The following DLGAP4 variants were observed in gnomAD, a reference collection of about 807,000 sequenced individuals.
DLGAP4 encodes the protein disks large-associated protein 4.
A neutral mutation model predicts 86.9 loss-of-function variants in DLGAP4; 18 were observed. That is an observed-to-expected ratio of 0.21 (90% confidence interval 0.14 to 0.31). DLGAP4 has a LOEUF of 0.31. DLGAP4 is among the 10% of genes least tolerant of loss of function. DLGAP4 has a pLI of 1.00. For missense variants in DLGAP4, 1,085 were observed against 1,362.6 expected (o/e 0.80, Z 3.21); for synonymous variants, 548 against 574.3 (o/e 0.95, Z 0.65).
chr20:36,334,297 G>A (rs1192375362), intron 1 of DLGAP4, among the ~76,000 whole-genome samples: 2 of 152,160 alleles, frequency 1.3e-5, no homozygotes, highest in Non-Finnish European at 2.9e-5. Context: ...CTGAGGCTGA[G>A]CTCTGCTGGC....
intron 7 of DLGAP4, among the ~76,000 whole-genome samples, chr20:36,457,385 AT>A (rs869167974): frequency 0.025 from 3,163 of 126,334 alleles, 99 homozygotes; most frequent in African/African-American, 0.08. Flanking sequence ...CGCCCGGCTA[AT>A]TTTTTTTTTT....
intron 1 of DLGAP4, among the ~76,000 whole-genome samples, chr20:36,340,016 T>G (rs1261735520): frequency 6.6e-6 from 1 of 151,810 alleles, no homozygotes; most frequent in Admixed American, 6.6e-5. Context: ...GAGCCTGGAG[T>G]AGCCAGGGGT....
At chr20:36,525,373 G>C (rs2037684396) in intron 11 of DLGAP4, 1 of 192,370 alleles carries the variant, frequency 5.2e-6, no homozygotes, top group Non-Finnish European at 1.1e-5. Context: ...CTGTGGGAAT[G>C]TGTGTACTCC....
At chr20:36,508,981 G>A (rs2036540611) in intron 10 of DLGAP4, among the ~76,000 whole-genome samples, 1 of 152,152 alleles carries the variant, frequency 6.6e-6, no homozygotes, top group Non-Finnish European at 1.5e-5. Flanking sequence ...CACTTACTTG[G>A]TAAGTGAAAA....
chr20:36,472,695 A>C (rs1045305554), intron 7 of DLGAP4, among the ~76,000 whole-genome samples: 3 of 152,120 alleles, frequency 2.0e-5, no homozygotes, highest in Middle Eastern at 3.4e-3. Flanking sequence ...CATCTTTCCC[A>C]AATTGTTCTA....
intron 2 of DLGAP4, among the ~76,000 whole-genome samples, chr20:36,412,068 C>T (rs2147503366): frequency 6.6e-6 from 1 of 152,324 alleles, no homozygotes; most frequent in Non-Finnish European, 1.5e-5. Flanking sequence ...CTCCACTTGT[C>T]CACAAGCTCT....
chr20:36,400,992 C>T (rs978288960), intron 2 of DLGAP4, among the ~76,000 whole-genome samples: 3 of 152,108 alleles, frequency 2.0e-5, no homozygotes, highest in Admixed American at 6.6e-5. Context: ...CTTTCTGTGG[C>T]TGGGAACCTC....
intron 2 of DLGAP4, among the ~76,000 whole-genome samples, chr20:36,417,909 C>G (rs965335992): frequency 6.6e-6 from 1 of 152,056 alleles, no homozygotes; most frequent in Non-Finnish European, 1.5e-5. Flanking sequence ...CTCAGCCTCC[C>G]GAGCAGCTGG....
At chr20:36,351,751 T>A (rs1044188477) in intron 1 of DLGAP4, among the ~76,000 whole-genome samples, 3 of 151,998 alleles carry the variant, frequency 2.0e-5, no homozygotes, top group African/African-American at 7.3e-5. Flanking sequence ...GCAGGGCAGG[T>A]GCAAGGTCAC....
At chr20:36,474,861 A>G (rs555205549) in intron 7 of DLGAP4, among the ~76,000 whole-genome samples, 40 of 152,350 alleles carry the variant, frequency 2.6e-4, no homozygotes, top group African/African-American at 9.4e-4. Flanking sequence ...GCCAGGAGCC[A>G]GGGAGAGACT....
At chr20:36,384,951 G>A (rs1205938944) in intron 2 of DLGAP4, among the ~76,000 whole-genome samples, 1 of 152,186 alleles carries the variant, frequency 6.6e-6, no homozygotes, top group East Asian at 1.9e-4. Context: ...ATATGGAAGT[G>A]GAAGGGGGTT....
chr20:36,520,059 T>C (rs1243338123), intron 10 of DLGAP4, among the ~76,000 whole-genome samples: 1 of 151,502 alleles, frequency 6.6e-6, no homozygotes, highest in Admixed American at 6.6e-5. Context: ...CCTCCTAAAG[T>C]TCTGGGATTA....
intron 1 of DLGAP4, among the ~76,000 whole-genome samples, chr20:36,349,503 C>T (rs1383393054): frequency 6.6e-6 from 1 of 151,530 alleles, no homozygotes; most frequent in Non-Finnish European, 1.5e-5. Context: ...TGAGCACAGA[C>T]CTGAATGAAG....
rs1007805402 is a variant in DLGAP4, at chr20:36,332,362, G to A, written c.-304+25850G>A. Reference sequence around the variant, plus strand: ...AGACTTTCCCTGTCCCGCCCGTTCCGTTTTTTGTTTTTTTTGTTTTGTTTT... The same window carrying A: ...AGACTTTCCCTGTCCCGCCCGTTCCATTTTTTGTTTTTTTTGTTTTGTTTT... On this transcript the variant is annotated intron_variant, in intron 1 of 12. Coordinates refer to ENST00000339266, the MANE Select transcript of DLGAP4 (RefSeq NM_001365621.2). Among the ~76,000 whole-genome samples the A allele has an allele frequency of 1.4e-4, 21 of 151,930 alleles. 1 individual carries two copies. Among genetic ancestry groups the A allele is most frequent in the Admixed American group, 5.9e-4 (9 of 15,258 alleles).
chr20:36,361,846 G>A (rs1377452209), intron 1 of DLGAP4, among the ~76,000 whole-genome samples: 1 of 151,854 alleles, frequency 6.6e-6, no homozygotes, highest in Non-Finnish European at 1.5e-5. Flanking sequence ...GAGCGTGGTG[G>A]TGCATGTCTG....
intron 1 of DLGAP4, among the ~76,000 whole-genome samples, chr20:36,343,530 T>A (rs1600416311): frequency 6.6e-6 from 1 of 152,152 alleles, no homozygotes; most frequent in East Asian, 1.9e-4. Context: ...GTTCCACCGC[T>A]TTTTAATGCC....
chr20:36,356,650 A>G (rs2030339196), intron 1 of DLGAP4, among the ~76,000 whole-genome samples: 1 of 149,948 alleles, frequency 6.7e-6, no homozygotes, highest in Non-Finnish European at 1.5e-5. Flanking sequence ...TCAGCAAACT[A>G]TGGCCTATGG....
intron 1 of DLGAP4, among the ~76,000 whole-genome samples, chr20:36,331,798 T>C (rs4519594): frequency 0.82 from 124,815 of 152,146 alleles, 51,480 homozygotes; most frequent in African/African-American, 0.9. Context: ...GGGTGACAGG[T>C]GTCTGCTGGG....
chr20:36,368,701 T>C (rs770281587), intron 2 of DLGAP4, among the ~76,000 whole-genome samples: 4 of 152,208 alleles, frequency 2.6e-5, no homozygotes, highest in African/African-American at 4.8e-5. Context: ...CACACCTTAT[T>C]GTGCTCAAGG....
Sources: gnomAD v4.1 joint callset for allele counts (sites outside exome capture counted in the v4.1 genomes callset) on GRCh38, gnomAD v4.1.1 for gene constraint, MANE v1.5 for transcripts, NCBI Gene and HGNC (gene_info 2026-07-23, HGNC 2026-07-21) for gene names.